Variants in KCNMA1 observed in about 807,000 individuals in gnomAD.
KCNMA1 encodes potassium calcium-activated channel subfamily M alpha 1, also known as Calcium-activated potassium channel subunit alpha-1.
KCNMA1 carries 29 observed loss-of-function variants against 140.0 expected under a neutral mutation model. The ratio of observed to expected loss-of-function variants is 0.21; its 90% CI spans 0.15 to 0.28. KCNMA1 has a LOEUF of 0.28. Ranked by LOEUF, KCNMA1 falls within the 10% of genes least tolerant of loss-of-function variation. The pLI, the probability that KCNMA1 is intolerant of heterozygous loss-of-function variation, is 1.00. For missense variants in KCNMA1, 880 were observed against 1,602.2 expected, an observed-to-expected ratio of 0.55 and a Z score of 7.70; for synonymous variants, 612 against 611.9, an observed-to-expected ratio of 1.00 and a Z score of 0.00.
At chr10:77,017,205 T>C (rs1166627542) in intron 17 of KCNMA1, among the ~76,000 whole-genome samples, 3 of 152,160 alleles carry the variant, frequency 2.0e-5, no homozygotes, top group African/African-American at 7.2e-5. Context: ...GGAAATAGAA[T>C]TACACAAATG....
chr10:77,623,046 T>G (rs1370131965), intron 1 of KCNMA1, among the ~76,000 whole-genome samples: 1 of 152,220 alleles, frequency 6.6e-6, no homozygotes, highest in Non-Finnish European at 1.5e-5. Context: ...GTTGCTAGTT[T>G]CTGTTTTCAC....
intron 1 of KCNMA1, among the ~76,000 whole-genome samples, chr10:77,521,539 T>C (rs1567306351): frequency 1.3e-5 from 2 of 152,226 alleles, no homozygotes; most frequent in African/African-American, 4.8e-5. Context: ...AGTTTCCTCA[T>C]CTGTAAACCA....
At chr10:77,004,215 A>C (rs1372397322) in intron 18 of KCNMA1, among the ~76,000 whole-genome samples, 1 of 45,394 alleles carries the variant, frequency 2.2e-5, no homozygotes. Context: ...AAGTGCCACC[A>C]CACACACACA....
chr10:77,079,205 G>A (rs554582932), intron 13 of KCNMA1, among the ~76,000 whole-genome samples: 4 of 152,254 alleles, frequency 2.6e-5, no homozygotes, highest in African/African-American at 9.6e-5. Flanking sequence ...GGGAGGTGGA[G>A]GTTGTGGGGA....
chr10:77,414,066 T>G (rs2096680275), intron 1 of KCNMA1, among the ~76,000 whole-genome samples: 1 of 152,318 alleles, frequency 6.6e-6, no homozygotes, highest in South Asian at 2.1e-4. Context: ...GAAGTCTTCA[T>G]GGTAGAAAAA....
chr10:76,876,795 A>G (rs924787070), downstream of KCNMA1: 6 of 152,232 alleles, frequency 3.9e-5, no homozygotes, highest in African/African-American at 1.2e-4. Flanking sequence ...CTTCCAGGCT[A>G]AAAGCTCTGA....
chr10:77,193,549 C>T lies in KCNMA1; in HGVS notation c.603-8633G>A, dbSNP rs140861339. Among the ~76,000 whole-genome samples the T allele has an allele frequency of 6.7e-4, 102 of 152,268 alleles. 1 individual carries two copies. Among genetic ancestry groups the T allele is most frequent in the Middle Eastern group, 3.4e-3 (1 of 294 alleles). ...TAGGTGATTCAAATAGCACTAAATG[C>T]ATATGCACTTATGCACATATACCAG... On this transcript the variant is annotated intron_variant, in intron 3 of 27. Transcript: ENST00000286628.
chr10:77,538,989 C>A (rs1222961373), intron 1 of KCNMA1, among the ~76,000 whole-genome samples: 1 of 152,198 alleles, frequency 6.6e-6, no homozygotes, highest in East Asian at 1.9e-4. Context: ...AACCTGTCTC[C>A]TTCATGTCAC....
downstream of KCNMA1, chr10:76,877,685 C>G: frequency 6.6e-7 from 1 of 1,517,536 alleles, no homozygotes. Flanking sequence ...AAAGTCACAT[C>G]ACCATTTATG....
chr10:77,613,728 C>T (rs891512561), intron 1 of KCNMA1, among the ~76,000 whole-genome samples: 44 of 152,340 alleles, frequency 2.9e-4, no homozygotes, highest in African/African-American at 1.0e-3. Context: ...CAGTTCGGTT[C>T]AGCACAGGGC....
chr10:77,494,805 T>C (rs2041264494), intron 1 of KCNMA1, among the ~76,000 whole-genome samples: 1 of 152,192 alleles, frequency 6.6e-6, no homozygotes, highest in Non-Finnish European at 1.5e-5. Flanking sequence ...GGAGATGTCG[T>C]TGGGGTCAGT....
At chr10:77,073,458 C>T (rs1004951295) in intron 13 of KCNMA1, among the ~76,000 whole-genome samples, 1 of 152,168 alleles carries the variant, frequency 6.6e-6, no homozygotes, top group Non-Finnish European at 1.5e-5. Context: ...CTTCTGCACC[C>T]ACCAAGCCCA....
Position 77,108,081 on chromosome 10 carries a change from T to TA in KCNMA1, c.1223+399dup, listed in dbSNP as rs1256909264. 6.6e-6 allele frequency among the ~76,000 whole-genome samples: 1 copy of TA among 152,166 alleles called. No homozygotes were observed. Among genetic ancestry groups the TA allele is most frequent in the African/African-American group, 2.4e-5 (1 of 41,448 alleles). ...TGGACTCCTTTCAGGATAAATTCAT[T>TA]ACATCTCTTGGAATTTGTGAATGGG... On this transcript the variant is annotated intron_variant, in intron 9 of 27. Transcript: ENST00000286628. This position sits in a 1 kb window ranked among gnomAD's most constrained non-coding sequence, Gnocchi z 4.6.
chr10:77,168,335 T>C (rs2098666197), intron 5 of KCNMA1, among the ~76,000 whole-genome samples: 1 of 152,210 alleles, frequency 6.6e-6, no homozygotes, highest in Admixed American at 6.5e-5. Context: ...CCACAAAATA[T>C]AGTCATGCAT....
intron 3 of KCNMA1, among the ~76,000 whole-genome samples, chr10:77,227,776 T>G (rs1169552552): frequency 7.6e-6 from 1 of 131,534 alleles, no homozygotes; most frequent in Non-Finnish European, 1.6e-5. Context: ...CTATTAGCCA[T>G]TTGGGAGTAC....
intron 19 of KCNMA1, among the ~76,000 whole-genome samples, chr10:76,978,812 G>A (rs903580062): frequency 2.0e-5 from 3 of 152,234 alleles, no homozygotes; most frequent in Middle Eastern, 3.4e-3. Context: ...TAGTTTCCTG[G>A]TGTCCTCATT....
chr10:77,101,168 C>T (rs1248139286), intron 9 of KCNMA1, among the ~76,000 whole-genome samples: 2 of 152,160 alleles, frequency 1.3e-5, no homozygotes, highest in Middle Eastern at 3.4e-3. Flanking sequence ...TGCCCATGTC[C>T]CACGCCCACC....
At chr10:77,373,748 T>G (rs764503257) in intron 2 of KCNMA1, 7 of 152,228 alleles carry the variant, frequency 4.6e-5, no homozygotes, top group Non-Finnish European at 8.8e-5. Context: ...TCACTCTGGA[T>G]CTATCTAATT....
Position 77,053,902 on chromosome 10 carries a change from G to A in KCNMA1, c.1750-14265C>T, listed in dbSNP as rs941155191. Among the ~76,000 whole-genome samples the A allele has an allele frequency of 3.3e-5, 5 of 152,106 alleles. No individual in the cohort carries two copies. The East Asian group carries it at 7.7e-4, about 23-fold the overall frequency. On this transcript the variant is annotated intron_variant, in intron 14 of 27. Coordinates refer to ENST00000286628, the MANE Select transcript of KCNMA1 (RefSeq NM_001161352.2). ...TTACAGCAGGTAAATAGGGAGCTAA[G>A]AGAGGTTCAGTAGCCTTCCCCAGGT...
Sources: allele counts gnomAD v4.1 joint callset (sites outside exome capture counted in the v4.1 genomes callset), GRCh38; gene constraint gnomAD v4.1.1; non-coding constraint Gnocchi (gnomAD v3.1); transcripts MANE v1.5; gene names NCBI Gene and HGNC (gene_info 2026-07-23, HGNC 2026-07-21).